The following AGBL1 variants were observed in gnomAD, a reference collection of about 807,000 sequenced individuals.
AGBL1 encodes AGBL carboxypeptidase 1, also known as cytosolic carboxypeptidase 4.
Under a neutral mutation model 118.9 loss-of-function variants are expected in AGBL1, and 130 were observed. The ratio of observed to expected loss-of-function variants is 1.09; its 90% CI spans 0.95 to 1.26. The LOEUF (loss-of-function observed/expected upper bound fraction) is 1.26, where lower values mean the gene tolerates loss of function less well. Among genes scored for constraint, AGBL1 ranks in the 50% most tolerant of loss-of-function variants. The pLI, the probability that AGBL1 is intolerant of heterozygous loss-of-function variation, is 0.00. For missense variants in AGBL1, 1,584 were observed against 1,298.1 expected, an observed-to-expected ratio of 1.22 and a Z score of -3.38; for synonymous variants, 555 against 478.9, an observed-to-expected ratio of 1.16 and a Z score of -2.08.
intron 18 of AGBL1, among the ~76,000 whole-genome samples, chr15:86,477,055 C>G (rs1314468202): frequency 6.6e-6 from 1 of 152,062 alleles, no homozygotes; most frequent in African/African-American, 2.4e-5. Flanking sequence ...CACAACATAC[C>G]AGAATCTCTG....
intron 23 of AGBL1, chr15:86,987,957 C>A: frequency 6.2e-7 from 1 of 1,608,338 alleles, no homozygotes; most frequent in Non-Finnish European, 8.5e-7. Flanking sequence ...TTTCACCAAT[C>A]TGTACCACTC....
At chr15:86,230,013 A>G (rs1374260690) in intron 6 of AGBL1, among the ~76,000 whole-genome samples, 1 of 152,242 alleles carries the variant, frequency 6.6e-6, no homozygotes, top group Non-Finnish European at 1.5e-5. Flanking sequence ...GCAAGTTAGC[A>G]AAGGAAGAGC....
intron 17 of AGBL1, among the ~76,000 whole-genome samples, chr15:86,356,513 C>G (rs2080723642): frequency 6.6e-6 from 1 of 151,856 alleles, no homozygotes; most frequent in South Asian, 2.1e-4. Context: ...TTTTCCAAAG[C>G]TGAGAGGAAA....
chr15:86,305,180 A>G (rs2079818739), intron 17 of AGBL1: 2 of 152,248 alleles, frequency 1.3e-5, no homozygotes, highest in South Asian at 4.1e-4. Context: ...CCCCAAACTC[A>G]GGATATAAGA....
chr15:86,559,621 A>G (rs2083785129), intron 21 of AGBL1, among the ~76,000 whole-genome samples: 1 of 152,220 alleles, frequency 6.6e-6, no homozygotes, highest in Non-Finnish European at 1.5e-5. Flanking sequence ...AGCCCTTTAC[A>G]TATCTTAAAT....
intron 1 of AGBL1, among the ~76,000 whole-genome samples, chr15:86,089,463 C>T (rs529155528): frequency 6.6e-6 from 1 of 152,288 alleles, no homozygotes; most frequent in Non-Finnish European, 1.5e-5. Flanking sequence ...GAGAGCCATT[C>T]TGATTCTGAT....
chr15:86,921,904 A>G lies in AGBL1; in HGVS notation c.3222-66083A>G, dbSNP rs576360719. Among the ~76,000 whole-genome samples the G allele has an allele frequency of 2.0e-5, 3 of 152,272 alleles. No individual in the cohort carries two copies. In the South Asian group the frequency reaches 6.2e-4, roughly 32 times the overall value. On this transcript the variant is annotated intron_variant, in intron 23 of 24. Transcript: ENST00000441037. ...TCTAGTAACGACATTTGAGATGTTC[A>G]AGGTATAAAGTGAGGTCTTCATGAA...
Position 86,492,984 on chromosome 15 carries a change from C to G in AGBL1, c.2556-29826C>G, listed in dbSNP as rs1336943493. Among the ~76,000 whole-genome samples the G allele has an allele frequency of 2.6e-5, 4 of 152,186 alleles. No homozygotes were observed. The East Asian group carries it at 7.8e-4, about 30-fold the overall frequency. On this transcript the variant is annotated intron_variant, in intron 18 of 22. Transcript: ENST00000614907. ...TGGGCAGATCACGAGGTCAAGAGATCCAGACCATCCTGGCCGAAGGCCAAC... is the reference window on the plus strand; with the variant it reads ...TGGGCAGATCACGAGGTCAAGAGATGCAGACCATCCTGGCCGAAGGCCAAC...
chr15:86,088,340 C>T (rs1895801251), intron 1 of AGBL1: 1 of 152,254 alleles, frequency 6.6e-6, no homozygotes, highest in Admixed American at 6.5e-5. Flanking sequence ...CCAGGGTGCC[C>T]TTCCTGTAAA....
At chr15:87,023,459 A>G (rs1365329106) in intron 24 of AGBL1, among the ~76,000 whole-genome samples, 1 of 152,100 alleles carries the variant, frequency 6.6e-6, no homozygotes, top group East Asian at 1.9e-4. Context: ...TGCACCTAAC[A>G]CTGGAGCTCC....
chr15:86,849,517 C>CTTTTTTTTTTTTTTT (rs68185029), intron 22 of AGBL1, among the ~76,000 whole-genome samples: 9 of 136,792 alleles, frequency 6.6e-5, no homozygotes, highest in Admixed American at 1.5e-4. Context: ...TTCTTTCTTT[C>CTTTTTTTTTTTTTTT]TTTTTTTTTT....
At chr15:86,443,908 T>C (rs2082092784) in intron 18 of AGBL1, among the ~76,000 whole-genome samples, 1 of 152,182 alleles carries the variant, frequency 6.6e-6, no homozygotes, top group African/African-American at 2.4e-5. Flanking sequence ...AGTGCTGCAA[T>C]AAACATAAGG....
intron 5 of AGBL1, among the ~76,000 whole-genome samples, chr15:86,192,158 ACACACACACATG>A (rs562409873): frequency 1.5e-4 from 23 of 151,376 alleles, no homozygotes; most frequent in Non-Finnish European, 2.5e-4. Context: ...ATGCACGTGC[ACACACACACATG>A]CACACACACA....
chr15:86,576,377 GA>G (rs575517503), intron 21 of AGBL1, among the ~76,000 whole-genome samples: 11 of 151,214 alleles, frequency 7.3e-5, no homozygotes, highest in Admixed American at 3.3e-4. Context: ...CACTGTCACT[GA>G]AAAAAAAATT....
intron 24 of AGBL1, among the ~76,000 whole-genome samples, chr15:86,989,086 T>C (rs1317684015): frequency 6.6e-6 from 1 of 151,532 alleles, no homozygotes; most frequent in Non-Finnish European, 1.5e-5. Flanking sequence ...ACTGCAGCTT[T>C]GATCCTCCTG....
intron 22 of AGBL1, among the ~76,000 whole-genome samples, chr15:86,896,869 C>T (rs1456765927): frequency 6.6e-6 from 1 of 151,834 alleles, no homozygotes; most frequent in Non-Finnish European, 1.5e-5. Context: ...TGACCATGCA[C>T]TCCCCATTTG....
chr15:86,267,906 A>G (rs1356033303), intron 13 of AGBL1, among the ~76,000 whole-genome samples: 1 of 152,180 alleles, frequency 6.6e-6, no homozygotes, highest in Non-Finnish European at 1.5e-5. Context: ...GTGCCAGGGT[A>G]ACTTCATCAC....
chr15:86,456,576 G>A (rs2082260736), intron 18 of AGBL1, among the ~76,000 whole-genome samples: 1 of 152,160 alleles, frequency 6.6e-6, no homozygotes, highest in Non-Finnish European at 1.5e-5. Context: ...TACTCTTCAG[G>A]TTGACAGGCA....
intron 18 of AGBL1, among the ~76,000 whole-genome samples, chr15:86,476,285 C>T (rs1389449504): frequency 1.3e-5 from 2 of 152,070 alleles, no homozygotes. Context: ...CACAGACTGG[C>T]AAATTGGATA....
Sources: gnomAD v4.1 joint callset for allele counts (sites outside exome capture counted in the v4.1 genomes callset) on GRCh38, gnomAD v4.1.1 for gene constraint, MANE v1.5 for transcripts, NCBI Gene and HGNC (gene_info 2026-07-23, HGNC 2026-07-21) for gene names.